METTL6: variants seen among roughly 807,000 people sequenced by gnomAD.
METTL6 encodes tRNA N(3)-cytidine methyltransferase METTL6.
A neutral mutation model predicts 26.4 loss-of-function variants in METTL6; 22 were observed. That is an observed-to-expected ratio of 0.83 (90% confidence interval 0.59 to 1.19). The LOEUF is 1.19. Ranked by LOEUF, METTL6 falls within the 50% of genes most tolerant of loss-of-function variation. The pLI is 0.00. For missense variants in METTL6, 304 were observed against 324.8 expected (o/e 0.94, Z 0.49); for synonymous variants, 109 against 116.2 (o/e 0.94, Z 0.40).
intron 6 of METTL6, among the ~76,000 whole-genome samples, chr3:15,400,802 C>T (rs1285959744): frequency 1.3e-5 from 2 of 152,166 alleles, no homozygotes; most frequent in Non-Finnish European, 2.9e-5. Flanking sequence ...TGGATTGCTT[C>T]CTTCTTGTGC....
downstream of METTL6, among the ~76,000 whole-genome samples, chr3:15,409,027 G>A (rs1699876661): frequency 6.6e-6 from 1 of 152,106 alleles, no homozygotes; most frequent in Non-Finnish European, 1.5e-5. Context: ...GATTCTCACT[G>A]TGAGAAGGCC....
At chr3:15,405,503 G>A (rs976912746), downstream of METTL6, among the ~76,000 whole-genome samples, 5 of 152,150 alleles carry the variant, frequency 3.3e-5, no homozygotes, top group South Asian at 2.1e-4. Flanking sequence ...GAGCTTTTAA[G>A]TTAATCTAGA....
intron 4 of METTL6, chr3:15,414,969 T>C: frequency 9.0e-7 from 1 of 1,105,768 alleles, no homozygotes; most frequent in Non-Finnish European, 1.1e-6. Context: ...AGTGTTATCC[T>C]CATTGAAGCA....
At chr3:15,413,817 C>G (rs1700071095) in intron 5 of METTL6, 1 of 1,489,610 alleles carries the variant, frequency 6.7e-7, no homozygotes, top group Non-Finnish European at 8.9e-7. Flanking sequence ...TCACTGACAC[C>G]AGAGAAGGCT....
At position 15,410,259 on chromosome 3, in the gene METTL6, T is replaced by C. The variant is rs1699914740; in HGVS notation, c.*997A>G. ...CTGAAACCAAGATGGTACCAAACTC[T>C]AAAAAAAAAAGAACAACTTTAACAA... On this transcript the variant is annotated 3_prime_UTR_variant, in exon 6 of 6. Coordinates refer to ENST00000383790, the MANE Select transcript of METTL6 (RefSeq NM_152396.4). 6.8e-6 allele frequency among the ~76,000 whole-genome samples: 1 copy of C among 147,526 alleles called. No homozygotes were observed. Among genetic ancestry groups the C allele is most frequent in the South Asian group, 2.1e-4 (1 of 4,654 alleles).
At chr3:15,389,849 ATTTTTT>A (rs58728599) in intron 6 of METTL6, among the ~76,000 whole-genome samples, 2,265 of 132,976 alleles carry the variant, frequency 0.017, 37 homozygotes, top group African/African-American at 0.037. Context: ...CGCCCGGCCA[ATTTTTT>A]TTTTTTTTTT....
chr3:15,402,709 C>T (rs1699680658), intron 6 of METTL6, among the ~76,000 whole-genome samples: 2 of 139,998 alleles, frequency 1.4e-5, no homozygotes, highest in Non-Finnish European at 1.5e-5. Flanking sequence ...GTACTCCAGC[C>T]TGGGAAACAG....
chr3:15,408,381 C>T (rs577414546), downstream of METTL6, among the ~76,000 whole-genome samples: 6 of 152,232 alleles, frequency 3.9e-5, no homozygotes, highest in South Asian at 1.2e-3. Flanking sequence ...GGAAATGATA[C>T]TCACGTGCCA....
At chr3:15,415,483 C>T in intron 4 of METTL6, 1 of 1,583,962 alleles carries the variant, frequency 6.3e-7, no homozygotes, top group Non-Finnish European at 8.5e-7. Flanking sequence ...ACCACTAAAC[C>T]ATAACTCCTC....
chr3:15,406,443 GC>G (rs200800994), downstream of METTL6, among the ~76,000 whole-genome samples: 1,042 of 151,288 alleles, frequency 6.9e-3, 10 homozygotes, highest in African/African-American at 0.024. Context: ...CAATCTACTG[GC>G]TCATAGTTAA....
intron 3 of METTL6, among the ~76,000 whole-genome samples, chr3:15,423,358 A>C (rs2061648344): frequency 1.3e-5 from 2 of 152,234 alleles, no homozygotes. Context: ...GCACCACTGC[A>C]CTCCAGTCTA....
At chr3:15,413,661 C>T (rs1700064958) in intron 5 of METTL6, 1 of 1,186,950 alleles carries the variant, frequency 8.4e-7, no homozygotes, top group Non-Finnish European at 1.1e-6. Context: ...AAAGTAATCT[C>T]AAGGCATTAT....
Position 15,426,558 on chromosome 3 carries a change from A to C in METTL6, c.-47T>G. 1 of 1,545,214 alleles carries C rather than the reference A, an allele frequency of 6.5e-7. No individual in the cohort carries two copies. Among genetic ancestry groups the C allele is most frequent in the Non-Finnish European group, 8.9e-7 (1 of 1,128,166 alleles). ...TTAACACAGCTGAAGATTCTCCATC[A>C]CCAAATAATATGAATCCACGCTAAT... On this transcript the variant is annotated 5_prime_UTR_variant, in exon 2 of 6. Transcript: ENST00000383790.
At chr3:15,419,395 GTGC>G (rs2061559858) in intron 3 of METTL6, among the ~76,000 whole-genome samples, 1 of 152,184 alleles carries the variant, frequency 6.6e-6, no homozygotes, top group Non-Finnish European at 1.5e-5. Flanking sequence ...TTTAACTCCA[GTGC>G]TTAGAACAGT....
intron 2 of METTL6, among the ~76,000 whole-genome samples, chr3:15,425,883 A>C (rs2061708593): frequency 6.6e-6 from 1 of 152,260 alleles, no homozygotes. Flanking sequence ...GCATTTTGAT[A>C]GGCTTCTTAA....
At chr3:15,421,204 TG>T (rs2061604792) in intron 3 of METTL6, among the ~76,000 whole-genome samples, 1 of 152,240 alleles carries the variant, frequency 6.6e-6, no homozygotes, top group Admixed American at 6.5e-5. Context: ...TTTATTATTT[TG>T]CAACACCTAA....
chr3:15,413,096 T>G (rs1235690067), intron 5 of METTL6, among the ~76,000 whole-genome samples: 1 of 151,938 alleles, frequency 6.6e-6, no homozygotes, highest in Admixed American at 6.6e-5. Flanking sequence ...AATACAAAAA[T>G]TAGTTGGGTG....
intron 3 of METTL6, among the ~76,000 whole-genome samples, chr3:15,424,171 T>A (rs1265067376): frequency 6.6e-6 from 1 of 151,918 alleles, no homozygotes; most frequent in Non-Finnish European, 1.5e-5. Context: ...AAAGAACCCA[T>A]CTCTAAAAAA....
intron 2 of METTL6, 59 bp from the exon 3 acceptor site, chr3:15,425,148 C>T (rs567872878): frequency 2.1e-4 from 328 of 1,589,112 alleles, no homozygotes; most frequent in Admixed American, 1.3e-4. Flanking sequence ...AGAAATAAAC[C>T]AAACTAAAAG....
Sources: gnomAD v4.1 joint callset for allele counts (sites outside exome capture counted in the v4.1 genomes callset) on GRCh38, gnomAD v4.1.1 for gene constraint, MANE v1.5 for transcripts, NCBI Gene and HGNC (gene_info 2026-07-23, HGNC 2026-07-21) for gene names.